The following LPCAT1 variants were observed in gnomAD, a reference collection of about 807,000 sequenced individuals.
The protein encoded by LPCAT1 is 1-acylglycerol-3-phosphate O-acyltransferase.
Under a neutral mutation model 60.9 loss-of-function variants are expected in LPCAT1, and 23 were observed. The ratio of observed to expected loss-of-function variants is 0.38; its 90% confidence interval spans 0.27 to 0.53. The LOEUF is 0.53. Among genes scored for constraint, LPCAT1 ranks in the 20% least tolerant of loss-of-function variants. The pLI is 0.82. For missense variants in LPCAT1, 622 were observed against 723.6 expected, an observed-to-expected ratio of 0.86 and a Z score of 1.61; for synonymous variants, 340 against 301.1, an observed-to-expected ratio of 1.13 and a Z score of -1.34.
chr5:1,519,516 A>C (rs1187684688), intron 1 of LPCAT1, among the ~76,000 whole-genome samples: 1 of 152,256 alleles, frequency 6.6e-6, no homozygotes, highest in African/African-American at 2.4e-5. Context: ...ACAGGATTAC[A>C]GGAACGCTCT....
intron 12 of LPCAT1, 54 bp downstream of exon 12, chr5:1,470,772 A>C (rs1478417336): frequency 7.4e-7 from 1 of 1,345,832 alleles, no homozygotes; most frequent in Non-Finnish European, 1.0e-6. Context: ...AATGGTGCTG[A>C]CGTGACTGCA....
chr5:1,498,072 T>C (rs1224522715), intron 2 of LPCAT1, among the ~76,000 whole-genome samples: 1 of 152,248 alleles, frequency 6.6e-6, no homozygotes, highest in Non-Finnish European at 1.5e-5. Context: ...TTAGGAAGGT[T>C]TGAATGACAC....
At chr5:1,512,195 G>C (rs561702828) in intron 1 of LPCAT1, among the ~76,000 whole-genome samples, 1 of 152,192 alleles carries the variant, frequency 6.6e-6, no homozygotes, top group Non-Finnish European at 1.5e-5. Context: ...TGTGGCGTGC[G>C]GCCCCGTGAG....
chr5:1,474,823 G>C, intron 9 of LPCAT1, 138 bp from the exon 10 acceptor site: 2 of 1,130,910 alleles, frequency 1.8e-6, no homozygotes, highest in Non-Finnish European at 2.5e-6. Context: ...CCAGTTGGTG[G>C]GGCAGTCACA....
At chr5:1,503,792 C>T (rs1323832407) in intron 1 of LPCAT1, among the ~76,000 whole-genome samples, 1 of 139,286 alleles carries the variant, frequency 7.2e-6, no homozygotes, top group Non-Finnish European at 1.5e-5. Context: ...TTCCTGGAAG[C>T]TTTTGGCATA....
chr5:1,466,612 G>T, intron 13 of LPCAT1, 137 bp downstream of exon 13: 1 of 937,560 alleles, frequency 1.1e-6, no homozygotes, highest in South Asian at 2.5e-5. Flanking sequence ...GGGTTTCTTT[G>T]TTACACAGGG....
chr5:1,498,660 AAC>A (rs764943032), intron 2 of LPCAT1, among the ~76,000 whole-genome samples: 12 of 152,068 alleles, frequency 7.9e-5, no homozygotes, highest in Admixed American at 6.5e-4. Flanking sequence ...ACAGAGACAC[AAC>A]ACTCATACAC....
At chr5:1,490,121 C>G (rs531822423) in intron 3 of LPCAT1, among the ~76,000 whole-genome samples, 5 of 152,220 alleles carry the variant, frequency 3.3e-5, no homozygotes. Flanking sequence ...ACTGAGGACA[C>G]GGAGCACAGA....
At chr5:1,490,015 G>C (rs761745170) in intron 3 of LPCAT1, among the ~76,000 whole-genome samples, 157 bp from the exon 4 acceptor site, 1 of 152,244 alleles carries the variant, frequency 6.6e-6, no homozygotes, top group Non-Finnish European at 1.5e-5. Context: ...CCTGACTGAG[G>C]GAACGGGAAC....
chr5:1,515,301 C>T (rs1736473299), intron 1 of LPCAT1, among the ~76,000 whole-genome samples: 1 of 151,714 alleles, frequency 6.6e-6, no homozygotes, highest in East Asian at 1.9e-4. Context: ...TACAAGAGTC[C>T]CCAGCCTGCC....
chr5:1,467,122 G>A (rs1734447234), intron 12 of LPCAT1: 3 of 403,904 alleles, frequency 7.4e-6, no homozygotes, highest in Non-Finnish European at 8.6e-6. Flanking sequence ...GATGCTTCTC[G>A]GGCAAGGGCT....
At position 1,483,375 on chromosome 5, in the gene LPCAT1, C is replaced by T. The variant is rs1735236624; in HGVS notation, c.726+53G>A. 6.3e-7 allele frequency: 1 copy of T among 1,579,234 alleles called. No individual in the cohort carries two copies. Among genetic ancestry groups the T allele is most frequent in the Non-Finnish European group, 8.7e-7 (1 of 1,149,058 alleles). ...AGGTGCACAGAGGCAGCTCGCAGTTCCCGTTTCCCGGAGAATTCCCCTGGA... is the reference window on the plus strand; with the variant it reads ...AGGTGCACAGAGGCAGCTCGCAGTTTCCGTTTCCCGGAGAATTCCCCTGGA... On this transcript the variant is annotated intron_variant, in intron 6 of 13. Transcript: ENST00000283415. The surrounding 1 kb of genome is among the most constrained non-coding windows in gnomAD (Gnocchi z 9.2).
At position 1,521,287 on chromosome 5, in the gene LPCAT1, G is replaced by A. The variant is rs946064578; in HGVS notation, c.135+2423C>T. ...AGGTGTCCCCGCATGGCGCTAATCC[G>A]AAGACACACAGCAGCCCCTCCCAGG... On this transcript the variant is annotated intron_variant, in intron 1 of 13. Coordinates refer to ENST00000283415, the MANE Select transcript of LPCAT1 (RefSeq NM_024830.5). The surrounding 1 kb of genome is among the most constrained non-coding windows in gnomAD (Gnocchi z 4.3). The A allele has an allele frequency of 9.2e-6, 9 of 979,384 alleles. No homozygotes were observed. Among genetic ancestry groups the A allele is most frequent in the Admixed American group, 1.2e-4 (2 of 16,262 alleles). 60.7% of individuals were successfully genotyped at this position (979,384 alleles called of 1,614,324 possible). A position where few individuals can be genotyped will look rare whatever the true frequency, so the allele number is the denominator to read the frequency against.
Position 1,477,298 on chromosome 5 carries a change from G to T in LPCAT1, c.899+106C>A. 1.1e-6 allele frequency: 1 copy of T among 924,374 alleles called. No individual in the cohort carries two copies. The highest frequency in any genetic ancestry group is 1.7e-6 in the Non-Finnish European group (1 of 592,670). 57.3% of individuals were successfully genotyped at this position (924,374 alleles called of 1,614,324 possible). ...GCATGAAGCTGGTTCCCGCACTTCT[G>T]CAAGAATGCCTTTTCCTAACGCTGT... On this transcript the variant is annotated intron_variant, in intron 9 of 13. Transcript: ENST00000283415. This position sits in a 1 kb window ranked among gnomAD's most constrained non-coding sequence, Gnocchi z 6.0.
At chr5:1,485,238 C>T (rs942708312) in intron 5 of LPCAT1, among the ~76,000 whole-genome samples, 1 of 152,150 alleles carries the variant, frequency 6.6e-6, no homozygotes, top group African/African-American at 2.4e-5. Context: ...AGCACAGAAA[C>T]CCCCCATGAG....
Position 1,463,465 on chromosome 5 carries a change from C to A in LPCAT1, c.*186G>T. On this transcript the variant is annotated 3_prime_UTR_variant, in exon 14 of 14. Transcript: ENST00000283415. Reference sequence around the variant, plus strand: ...CGCCCTCCGATTCTCGCACAGTAAGCGTCGGTTCTGCAACACACTTCACAA... The same window carrying A: ...CGCCCTCCGATTCTCGCACAGTAAGAGTCGGTTCTGCAACACACTTCACAA... 2 of 655,566 alleles carry A rather than the reference C, an allele frequency of 3.1e-6. No individual in the cohort carries two copies. Among genetic ancestry groups the A allele is most frequent in the South Asian group, 2.1e-5 (1 of 48,076 alleles). The allele number at this position is 655,566 out of a possible 1,614,324, so 40.6% of individuals were successfully genotyped here.
At chr5:1,484,642 C>A (rs1464131330) in intron 5 of LPCAT1, among the ~76,000 whole-genome samples, 1 of 152,212 alleles carries the variant, frequency 6.6e-6, no homozygotes, top group Non-Finnish European at 1.5e-5. Context: ...CCAGGAGCAT[C>A]TGTCCCTAGG....
chr5:1,515,702 G>A (rs910292408), intron 1 of LPCAT1, among the ~76,000 whole-genome samples: 6 of 151,472 alleles, frequency 4.0e-5, no homozygotes, highest in Non-Finnish European at 7.4e-5. Context: ...GGCCTGCCCT[G>A]TACACCCTGC....
Position 1,521,749 on chromosome 5 carries a change from A to T in LPCAT1, c.135+1961T>A, listed in dbSNP as rs1269958689. On this transcript the variant is annotated intron_variant, in intron 1 of 13. Transcript: ENST00000283415. The surrounding 1 kb of genome is among the most constrained non-coding windows in gnomAD (Gnocchi z 4.3). ...GCCTGGCTTCGGCCCAAGGGAGAACAGCTGCCCAAAGCCTTCAATCTCGGG... is the reference window on the plus strand; with the variant it reads ...GCCTGGCTTCGGCCCAAGGGAGAACTGCTGCCCAAAGCCTTCAATCTCGGG... Among the ~76,000 whole-genome samples, 1 of 152,102 alleles carries T rather than the reference A, an allele frequency of 6.6e-6. No individual in the cohort carries two copies. Among genetic ancestry groups the T allele is most frequent in the Non-Finnish European group, 1.5e-5 (1 of 68,004 alleles).
Sources: allele counts gnomAD v4.1 joint callset (sites outside exome capture counted in the v4.1 genomes callset), GRCh38; gene constraint gnomAD v4.1.1; non-coding constraint Gnocchi (gnomAD v3.1); transcripts MANE v1.5; gene names NCBI Gene and HGNC (gene_info 2026-07-23, HGNC 2026-07-21).